Variants in ADAMTS17 observed in about 807,000 individuals in gnomAD.
The protein encoded by ADAMTS17 is ADAM metallopeptidase with thrombospondin type 1 motif 17, also known as A disintegrin and metalloproteinase with thrombospondin motifs 17.
A neutral mutation model predicts 141.5 loss-of-function variants in ADAMTS17; 113 were observed. The ratio of observed to expected loss-of-function variants is 0.80; its 90% CI spans 0.69 to 0.93. The LOEUF is 0.93. Ranked by LOEUF, ADAMTS17 falls within the 40% of genes least tolerant of loss-of-function variation. The pLI is 0.00. For synonymous variants in ADAMTS17, 768 were observed against 630.6 expected (o/e 1.22, Z -3.27); for missense variants, 1,659 against 1,517.9 (o/e 1.09, Z -1.54).
At chr15:100,268,859 A>C (rs1313034793) in intron 4 of ADAMTS17, among the ~76,000 whole-genome samples, 1 of 152,236 alleles carries the variant, frequency 6.6e-6, no homozygotes, top group Non-Finnish European at 1.5e-5. Context: ...CAGAAGTATC[A>C]CATTACCTGA....
intron 3 of ADAMTS17, among the ~76,000 whole-genome samples, chr15:100,287,635 G>T (rs1355375061): frequency 6.6e-6 from 1 of 152,222 alleles, no homozygotes. Flanking sequence ...CAACTAGGGA[G>T]AAGAGGTAGG....
intron 14 of ADAMTS17, among the ~76,000 whole-genome samples, chr15:100,101,927 G>A (rs766954586): frequency 5.9e-5 from 9 of 152,212 alleles, no homozygotes; most frequent in African/African-American, 1.7e-4. Flanking sequence ...TTGCGCAGCC[G>A]TGACTCCAGG....
chr15:100,000,873 CAAAT>C (rs1338829833), intron 18 of ADAMTS17, among the ~76,000 whole-genome samples: 1 of 152,182 alleles, frequency 6.6e-6, no homozygotes, highest in Non-Finnish European at 1.5e-5. Flanking sequence ...GACATAGTCT[CAAAT>C]AAAGGAGACA....
chr15:100,072,570 T>C (rs1005360582), intron 15 of ADAMTS17, among the ~76,000 whole-genome samples: 2 of 151,976 alleles, frequency 1.3e-5, no homozygotes, highest in African/African-American at 2.4e-5. Context: ...TATAGACCAA[T>C]GGAATAGAAC....
chr15:100,317,983 C>G (rs778793128), intron 3 of ADAMTS17, among the ~76,000 whole-genome samples: 2 of 152,050 alleles, frequency 1.3e-5, no homozygotes, highest in African/African-American at 4.8e-5. Flanking sequence ...TTTTCAGTAG[C>G]GACCCGAATG....
rs1171511605 is a variant in ADAMTS17 at position 100,053,923 on chromosome 15, G to A, written c.2269C>T (p.Pro757Ser). 3 of 1,614,042 alleles carry A rather than the reference G, an allele frequency of 1.9e-6. No homozygotes were observed. Among genetic ancestry groups the A allele is most frequent in the Non-Finnish European group, 8.5e-7 (1 of 1,180,032 alleles). ...ATCAAGTGCAGCGGTAGTTTGGTTG[G>A]TCCCTTGGCAGAGATCTTCTCCCAC... ...GLWEKISAKG[P>S]TKLPLHLMVL... Residue 757 changes from proline (P) to serine (S), a missense_variant, in exon 16 of 22, where the codon CCA becomes TCA. By Grantham distance (74) the Pro-to-Ser change is moderately conservative. Coordinates refer to ENST00000268070, the MANE Select transcript of ADAMTS17 (RefSeq NM_139057.4).
At chr15:100,057,809 C>T (rs1203676872) in intron 15 of ADAMTS17, among the ~76,000 whole-genome samples, 4 of 152,116 alleles carry the variant, frequency 2.6e-5, no homozygotes, top group African/African-American at 9.7e-5. Flanking sequence ...AGGAAGATGT[C>T]CACAGAGAGG....
At chr15:100,165,141 G>A (rs1353799457) in intron 8 of ADAMTS17, among the ~76,000 whole-genome samples, 2 of 152,176 alleles carry the variant, frequency 1.3e-5, no homozygotes, top group African/African-American at 4.8e-5. Context: ...TCTGTGAAAT[G>A]CTGTTTTCTG....
intron 2 of ADAMTS17, among the ~76,000 whole-genome samples, chr15:100,339,973 T>C (rs912785016): frequency 1.3e-5 from 2 of 152,208 alleles, no homozygotes; most frequent in African/African-American, 2.4e-5. Flanking sequence ...TGGAGAATTC[T>C]AGATGGTGGC....
chr15:100,164,732 A>G (rs2039879712), intron 8 of ADAMTS17, among the ~76,000 whole-genome samples: 1 of 152,184 alleles, frequency 6.6e-6, no homozygotes, highest in Non-Finnish European at 1.5e-5. Context: ...CAACGCCTTT[A>G]TTCCCGTTCT....
At chr15:100,061,369 G>C (rs1006099509) in intron 15 of ADAMTS17, among the ~76,000 whole-genome samples, 1 of 152,226 alleles carries the variant, frequency 6.6e-6, no homozygotes, top group African/African-American at 2.4e-5. Context: ...AGGGAGATTA[G>C]GGATCGGCTC....
In ADAMTS17 at chr15:100,068,059, C is replaced by A. The variant is rs929347169; in HGVS notation, c.2138-14005G>T. 2.6e-5 allele frequency among the ~76,000 whole-genome samples: 4 copies of A among 152,156 alleles called. No individual in the cohort carries two copies. The East Asian group carries it at 7.7e-4, about 29-fold the overall frequency. The stretch of plus-strand genomic sequence containing the variant: ...AAATCGGGTCACTCCCACCCTAATA[C>A]TGTGCTTTTCCAACGGTCTTAGCAA... On this transcript the variant is annotated intron_variant, in intron 15 of 21. Transcript: ENST00000268070.
intron 15 of ADAMTS17, among the ~76,000 whole-genome samples, chr15:100,079,420 G>A (rs1483190399): frequency 6.6e-6 from 1 of 152,180 alleles, no homozygotes; most frequent in African/African-American, 2.4e-5. Flanking sequence ...AAAATACTAT[G>A]CTAAGGGAAA....
intron 15 of ADAMTS17, among the ~76,000 whole-genome samples, chr15:100,076,453 T>A (rs976791139): frequency 6.6e-6 from 1 of 152,200 alleles, no homozygotes; most frequent in Non-Finnish European, 1.5e-5. Flanking sequence ...CCAAGATTTT[T>A]AAAAAGTCAT....
chr15:100,259,639 A>G (rs936776249), intron 6 of ADAMTS17, among the ~76,000 whole-genome samples: 6 of 152,266 alleles, frequency 3.9e-5, no homozygotes, highest in Non-Finnish European at 8.8e-5. Flanking sequence ...CTGATTGTCT[A>G]TGATAGAGCT....
chr15:100,250,185 C>T (rs1025480232), intron 7 of ADAMTS17, among the ~76,000 whole-genome samples: 4 of 152,160 alleles, frequency 2.6e-5, no homozygotes, highest in African/African-American at 9.7e-5. Context: ...ATTAAAAATC[C>T]ATCAAGTTTT....
chr15:100,290,595 C>T (rs776760927), intron 3 of ADAMTS17, among the ~76,000 whole-genome samples: 2 of 152,086 alleles, frequency 1.3e-5, no homozygotes, highest in Non-Finnish European at 2.9e-5. Flanking sequence ...ATGACATTAC[C>T]GGACTTTACA....
intron 15 of ADAMTS17, among the ~76,000 whole-genome samples, chr15:100,057,572 C>G (rs531898383): frequency 6.6e-6 from 1 of 152,284 alleles, no homozygotes; most frequent in East Asian, 1.9e-4. Flanking sequence ...TGAACACCCA[C>G]TGTGCCCATG....
chr15:100,019,239 T>C (rs1446477956), intron 18 of ADAMTS17, among the ~76,000 whole-genome samples: 1 of 152,236 alleles, frequency 6.6e-6, no homozygotes, highest in Non-Finnish European at 1.5e-5. Flanking sequence ...GATATATACA[T>C]ATATAGTGCA....
Sources: allele counts gnomAD v4.1 joint callset (sites outside exome capture counted in the v4.1 genomes callset), GRCh38; gene constraint gnomAD v4.1.1; transcripts MANE v1.5; gene names NCBI Gene and HGNC (gene_info 2026-07-23, HGNC 2026-07-21).